The following PPP1CA variants were observed in gnomAD, a reference collection of about 807,000 sequenced individuals.
PPP1CA encodes serine/threonine-protein phosphatase PP1-alpha catalytic subunit.
In PPP1CA, 14 loss-of-function variants were observed where a neutral mutation model predicts 38.5. The ratio of observed to expected loss-of-function variants is 0.36; its 90% confidence interval spans 0.24 to 0.57. The LOEUF (loss-of-function observed/expected upper bound fraction) is 0.57. Ranked by LOEUF, PPP1CA falls within the 20% of genes least tolerant of loss-of-function variation. The pLI is 0.80. For missense variants in PPP1CA, 277 were observed against 435.2 expected, an observed-to-expected ratio of 0.64 and a Z score of 3.23; for synonymous variants, 200 against 177.3, an observed-to-expected ratio of 1.13 and a Z score of -1.02.
At chr11:67,400,469 G>A (rs1862861700) in intron 3 of PPP1CA, among the ~76,000 whole-genome samples, 1 of 152,250 alleles carries the variant, frequency 6.6e-6, no homozygotes, top group Non-Finnish European at 1.5e-5. Context: ...GGGCCCTGGG[G>A]GAAAGCACTA....
intron 1 of PPP1CA, chr11:67,401,409 T>A: frequency 2.4e-6 from 2 of 819,520 alleles, no homozygotes; most frequent in Non-Finnish European, 3.7e-6. Context: ...GAGGCGACTG[T>A]CGTGCGCAGG....
At chr11:67,401,308 C>T (rs1240581707) in intron 1 of PPP1CA, 109 bp from the exon 2 acceptor site, 4 of 1,548,130 alleles carry the variant, frequency 2.6e-6, no homozygotes, top group South Asian at 1.1e-5. Flanking sequence ...TCGGCCCCTC[C>T]TTGCCCACAG....
intron 3 of PPP1CA, 28 bp downstream of exon 3, chr11:67,400,661 G>C: frequency 6.2e-7 from 1 of 1,606,002 alleles, no homozygotes; most frequent in South Asian, 1.1e-5. Context: ...TCAGGACCCG[G>C]GCAGCCCCAG....
chr11:67,401,712 C>T lies in PPP1CA; in HGVS notation c.55+16G>A, dbSNP rs777216243. ...CCAGGGCGCGGCGGACGCGGGCCTC[C>T]CCCGCCCCGACCAACCTTCCAGCAG... On this transcript the variant is annotated intron_variant, in intron 1 of 6. Transcript: ENST00000376745. The T allele has an allele frequency of 6.9e-7, 1 of 1,448,782 alleles. No homozygotes were observed. Among genetic ancestry groups the T allele is most frequent in the Non-Finnish European group, 9.2e-7 (1 of 1,091,208 alleles). The allele number at this position is 1,448,782 out of a possible 1,614,324, so 89.7% of individuals were successfully genotyped here.
chr11:67,401,772 C>A lies in PPP1CA; in HGVS notation c.11G>T (p.Ser4Ile). ...GATCGAGTCCAGGTTGAGCTTCTCG[C>A]TGTCGGACATGGCGGCGCCGCCGCT... is the stretch of plus-strand genomic sequence containing the variant. MSD[S>I]EKLNLDSIIG... The change falls in exon 1 of 7, where the codon AGC becomes ATC. Residue 4 changes from serine to isoleucine, a missense_variant. Physicochemically the swap from Ser to Ile is moderately radical, Grantham distance 142. Transcript: ENST00000376745. 1 of 1,475,648 alleles carries A rather than the reference C, an allele frequency of 6.8e-7. No homozygotes were observed. The highest frequency in any genetic ancestry group is 9.1e-7 in the Non-Finnish European group (1 of 1,103,988). The allele number at this position is 1,475,648 out of a possible 1,614,324, so 91.4% of individuals were successfully genotyped here. A position where few individuals can be genotyped will look rare whatever the true frequency, so the allele number is the denominator to read the frequency against.
intron 1 of PPP1CA, 94 bp from the exon 2 acceptor site, chr11:67,401,293 C>T: frequency 6.4e-7 from 1 of 1,574,272 alleles, no homozygotes; most frequent in Non-Finnish European, 8.7e-7. Flanking sequence ...GGCGCCTAGG[C>T]CTCCTCGGCC....
In PPP1CA at chr11:67,400,741, A is replaced by G. The variant is rs1186306511; in HGVS notation, c.366T>C (p.Arg122=). Residue 122 remains arginine, a synonymous_variant, in exon 3 of 7, where the codon CGT becomes CGC. Coordinates refer to ENST00000376745, the MANE Select transcript of PPP1CA (RefSeq NM_002708.4). ...TGATGCTGGCACACTCGTGGTTCCC[A>G]CGGAGCAGGAAGAAGTTCTCGGGGT... ...IKYPENFFLL[R]GNHECASINR... is the part of the protein sequence containing the mutation. 2 of 1,613,876 alleles carry G rather than the reference A, an allele frequency of 1.2e-6. No individual in the cohort carries two copies. The highest frequency in any genetic ancestry group is 1.7e-6 in the Non-Finnish European group (2 of 1,180,024).
chr11:67,401,770 CG>C lies in PPP1CA; in HGVS notation c.12del (p.Ser4ArgfsTer27). 6.8e-7 allele frequency: 1 copy of C among 1,475,722 alleles called. No homozygotes were observed. Among genetic ancestry groups the C allele is most frequent in the South Asian group, 1.3e-5 (1 of 76,754 alleles). 91.4% of individuals were successfully genotyped at this position (1,475,722 alleles called of 1,614,324 possible). A position where few individuals can be genotyped will look rare whatever the true frequency, so the allele number is the denominator to read the frequency against. On this transcript the variant is annotated frameshift_variant, in exon 1 of 7. Coordinates refer to ENST00000376745, the MANE Select transcript of PPP1CA (RefSeq NM_002708.4). LOFTEE classifies it high-confidence loss of function. ...ATGATCGAGTCCAGGTTGAGCTTCT[CG>C]CTGTCGGACATGGCGGCGCCGCCGC... MSDSEKLNLDSIIG... is the reference protein window; with the variant it reads MSDXEKLNLDSIIG...
chr11:67,401,225 C>G (rs751292727), intron 1 of PPP1CA, 26 bp from the exon 2 acceptor site: 1 of 1,611,644 alleles, frequency 6.2e-7, no homozygotes, highest in Non-Finnish European at 8.5e-7. Flanking sequence ...GTGTCAGGAC[C>G]CTGGACCCTG....
intron 3 of PPP1CA, among the ~76,000 whole-genome samples, chr11:67,400,263 G>C (rs1243580104): frequency 6.6e-6 from 1 of 152,206 alleles, no homozygotes; most frequent in African/African-American, 2.4e-5. Context: ...CCTGCCAGAA[G>C]TAATTCTAAA....
chr11:67,399,539 C>G, intron 4 of PPP1CA, 22 bp downstream of exon 4: 2 of 1,608,654 alleles, frequency 1.2e-6, no homozygotes, highest in East Asian at 2.2e-5. Context: ...TGCTCCTCCT[C>G]CCCAGCCATC....
At chr11:67,399,271 G>T in intron 4 of PPP1CA, 108 bp from the exon 5 acceptor site, 1 of 1,053,048 alleles carries the variant, frequency 9.5e-7, no homozygotes, top group South Asian at 1.5e-5. Context: ...CCCGCCACTG[G>T]TCTCCTGGGC....
At position 67,400,827 on chromosome 11, in the gene PPP1CA, C is replaced by T. The variant is rs1486112747; in HGVS notation, c.280G>A (p.Val94Met). The change falls in exon 3 of 7, where the codon GTG becomes ATG. Residue 94 changes from valine to methionine, a missense_variant. Val to Met is a conservative substitution (Grantham distance 21, BLOSUM62 1). Transcript: ENST00000376745. ...TCCAAGGACTGCTTGCCCCTGTCCACATAGTCCCCCAGAAAGAGGTAGTTG... is the reference window on the plus strand; with the variant it reads ...TCCAAGGACTGCTTGCCCCTGTCCATATAGTCCCCCAGAAAGAGGTAGTTG... ...ESNYLFLGDY[V>M]DRGKQSLETI... 6.2e-7 allele frequency: 1 copy of T among 1,614,158 alleles called. No homozygotes were observed.
Position 67,401,740 on chromosome 11 carries a change from G to A in PPP1CA, c.43C>T (p.Arg15Cys). 6.8e-7 allele frequency: 1 copy of A among 1,474,250 alleles called. No homozygotes were observed. Among genetic ancestry groups the A allele is most frequent in the Non-Finnish European group, 9.1e-7 (1 of 1,103,422 alleles). The allele number at this position is 1,474,250 out of a possible 1,614,324, so 91.3% of individuals were successfully genotyped here. A position where few individuals can be genotyped will look rare whatever the true frequency, so the allele number is the denominator to read the frequency against. Reference sequence around the variant, plus strand: ...CGCCCCGACCAACCTTCCAGCAGGCGCCCGATGATCGAGTCCAGGTTGAGC... The same window carrying A: ...CGCCCCGACCAACCTTCCAGCAGGCACCCGATGATCGAGTCCAGGTTGAGC... ...EKLNLDSIIG[R>C]LLEVQGSRPG... The change falls in exon 1 of 7, where the codon CGC becomes TGC. Residue 15 changes from arginine to cysteine, a missense_variant. Arg to Cys is a radical substitution (Grantham distance 180). Around this residue, in one of 3 missense-constraint regions of PPP1CA, gnomAD observed 44 missense variants for 27.4 expected, o/e 1.60. Transcript: ENST00000376745.
rs1316075106 is a variant in PPP1CA, at chr11:67,398,500, A to G, written c.*35T>C. On this transcript the variant is annotated 3_prime_UTR_variant, in exon 7 of 7. Transcript: ENST00000376745. ...TGGCAGCATGATTTCTGTACAATCA[A>G]TCCATCATCTGGGGCACAGGGTGGT... The G allele has an allele frequency of 3.2e-5, 51 of 1,597,652 alleles. No homozygotes were observed. In the East Asian group the frequency reaches 4.5e-4, roughly 14 times the overall value.
In PPP1CA at chr11:67,400,816, G is replaced by T; in HGVS notation, c.291C>A (p.Gly97=). ...GGCAGATGGTCTCCAAGGACTGCTT[G>T]CCCCTGTCCACATAGTCCCCCAGAA... The part of the protein sequence containing the change: ...YLFLGDYVDR[G]KQSLETICLL... The change falls in exon 3 of 7, where the codon GGC becomes GGA. Residue 97 remains glycine, a synonymous_variant. Coordinates refer to ENST00000376745, the MANE Select transcript of PPP1CA (RefSeq NM_002708.4). 6.2e-7 allele frequency: 1 copy of T among 1,614,110 alleles called. No individual in the cohort carries two copies. The highest frequency in any genetic ancestry group is 8.5e-7 in the Non-Finnish European group (1 of 1,180,022).
intron 4 of PPP1CA, 123 bp from the exon 5 acceptor site, chr11:67,399,286 A>AT: frequency 1.1e-6 from 1 of 934,104 alleles, no homozygotes; most frequent in Admixed American, 2.2e-5. Flanking sequence ...CTGGGCGCCT[A>AT]GACAGGCAGA....
chr11:67,401,609 A>C, intron 1 of PPP1CA, 119 bp downstream of exon 1: 1 of 928,240 alleles, frequency 1.1e-6, no homozygotes, highest in Admixed American at 4.2e-5. Flanking sequence ...CGGCCACGGA[A>C]CCTCGCTGCC....
At position 67,398,387 on chromosome 11, in the gene PPP1CA, C is replaced by CATT. The variant is rs1862786800; in HGVS notation, c.*145_*147dup. 1 of 786,430 alleles carries CATT rather than the reference C, an allele frequency of 1.3e-6. No homozygotes were observed. Among genetic ancestry groups the CATT allele is most frequent in the Non-Finnish European group, 2.0e-6 (1 of 502,450 alleles). 48.7% of individuals were successfully genotyped at this position (786,430 alleles called of 1,614,324 possible). A position where few individuals can be genotyped will look rare whatever the true frequency, so the allele number is the denominator to read the frequency against. ...GGGGGACTGGACGCTGCTATTGATT[C>CATT]ATTAAAAAAAGAAAAGAAAAATACA... is the stretch of plus-strand genomic sequence containing the variant. On this transcript the variant is annotated 3_prime_UTR_variant, in exon 7 of 7. Transcript: ENST00000376745.
Sources: gnomAD v4.1 joint callset for allele counts (sites outside exome capture counted in the v4.1 genomes callset) on GRCh38, gnomAD v4.1.1 for gene constraint, gnomAD v4.1.1 regional missense constraint, MANE v1.5 for transcripts, NCBI Gene and HGNC (gene_info 2026-07-23, HGNC 2026-07-21) for gene names.